CSMD1: variants seen among roughly 807,000 people sequenced by gnomAD.
The protein encoded by CSMD1 is CUB and sushi domain-containing protein 1.
In CSMD1, 213 loss-of-function variants were observed where a neutral mutation model predicts 417.5. The ratio of observed to expected loss-of-function variants is 0.51; its 90% CI spans 0.46 to 0.57. The LOEUF is 0.57. CSMD1 is among the 20% of genes least tolerant of loss of function. CSMD1 has a pLI of 0.00. For missense variants in CSMD1, 6,923 were observed against 4,529.7 expected (o/e 1.53, Z -15.17); for synonymous variants, 2,862 against 1,736.8 (o/e 1.65, Z -16.11).
chr8:3,544,101 T>C (rs906184476), intron 10 of CSMD1, among the ~76,000 whole-genome samples: 4 of 152,014 alleles, frequency 2.6e-5, no homozygotes, highest in African/African-American at 9.7e-5. Context: ...AGCGACTCCA[T>C]CTTGAGTGAG....
At chr8:3,707,047 G>C (rs1387878051) in intron 7 of CSMD1, among the ~76,000 whole-genome samples, 1 of 151,904 alleles carries the variant, frequency 6.6e-6, no homozygotes, top group Non-Finnish European at 1.5e-5. Flanking sequence ...GGTAGTCAGA[G>C]TATGGTAGCT....
At chr8:4,041,641 G>A (rs1192648466) in intron 3 of CSMD1, among the ~76,000 whole-genome samples, 1 of 152,088 alleles carries the variant, frequency 6.6e-6, no homozygotes, top group Non-Finnish European at 1.5e-5. Flanking sequence ...TCCATAAGAA[G>A]AAGAAAACTC....
At chr8:4,984,970 G>A (rs1182571195) in intron 1 of CSMD1, among the ~76,000 whole-genome samples, 2 of 152,110 alleles carry the variant, frequency 1.3e-5, no homozygotes, top group Non-Finnish European at 2.9e-5. Flanking sequence ...CTCCTAGAAA[G>A]CACTCAGAGA....
intron 3 of CSMD1, among the ~76,000 whole-genome samples, chr8:4,143,832 A>T (rs13256607): frequency 0.3 from 45,102 of 150,770 alleles, 8,379 homozygotes; most frequent in Non-Finnish European, 0.39. Flanking sequence ...GTTTTCTGGG[A>T]TTTAAGTACT....
intron 1 of CSMD1, among the ~76,000 whole-genome samples, chr8:4,667,440 G>C (rs542412811): frequency 1.3e-3 from 179 of 141,546 alleles, no homozygotes; most frequent in Admixed American, 2.1e-3. Flanking sequence ...GAACAATTTA[G>C]AAAAAAAAAA....
At chr8:4,885,458 T>G (rs6990689) in intron 1 of CSMD1, among the ~76,000 whole-genome samples, 140,783 of 152,002 alleles carry the variant, frequency 0.93, 65,627 homozygotes, top group East Asian at 0.97. Flanking sequence ...AGTATAATCT[T>G]ACATGTGCAA....
At chr8:4,193,111 G>C (rs73658455) in intron 3 of CSMD1, among the ~76,000 whole-genome samples, 4,254 of 152,164 alleles carry the variant, frequency 0.028, 212 homozygotes, top group African/African-American at 0.097. Flanking sequence ...AATTTACTTT[G>C]AATTCTCTGA....
At chr8:3,882,196 G>C (rs960314763) in intron 5 of CSMD1, among the ~76,000 whole-genome samples, 1 of 151,266 alleles carries the variant, frequency 6.6e-6, no homozygotes, top group Non-Finnish European at 1.5e-5. Flanking sequence ...AAATCAACAA[G>C]AAAGAGAGAG....
chr8:3,384,351 C>T (rs1304491715), intron 18 of CSMD1, among the ~76,000 whole-genome samples: 2 of 151,882 alleles, frequency 1.3e-5, no homozygotes, highest in Non-Finnish European at 1.5e-5. Context: ...TTGAGCAACA[C>T]TATGTCTTAA....
intron 5 of CSMD1, among the ~76,000 whole-genome samples, chr8:3,819,420 C>A (rs1019879085): frequency 1.3e-5 from 2 of 152,072 alleles, no homozygotes; most frequent in Admixed American, 6.5e-5. Flanking sequence ...ATTTTATCAA[C>A]AAGGTAAAGA....
chr8:4,760,684 A>G (rs1811982053), intron 1 of CSMD1, among the ~76,000 whole-genome samples: 3 of 152,150 alleles, frequency 2.0e-5, no homozygotes, highest in African/African-American at 4.8e-5. Context: ...TCCTTTGTTC[A>G]TATTCTTCAA....
At chr8:4,821,460 G>A (rs1277041819) in intron 1 of CSMD1, among the ~76,000 whole-genome samples, 1 of 152,154 alleles carries the variant, frequency 6.6e-6, no homozygotes, top group Admixed American at 6.6e-5. Flanking sequence ...TACGCAGTAA[G>A]ACAGTACAGG....
At chr8:4,148,250 C>A (rs1363956775) in intron 3 of CSMD1, among the ~76,000 whole-genome samples, 1 of 151,592 alleles carries the variant, frequency 6.6e-6, no homozygotes, top group Admixed American at 6.6e-5. Flanking sequence ...ATGAAAAACT[C>A]AGCAAACTAT....
intron 62 of CSMD1, among the ~76,000 whole-genome samples, chr8:2,959,516 A>G (rs1168948571): frequency 7.2e-5 from 11 of 152,310 alleles, no homozygotes; most frequent in African/African-American, 2.4e-4. Flanking sequence ...GATAACCTGT[A>G]TCATTTACTG....
intron 3 of CSMD1, among the ~76,000 whole-genome samples, chr8:4,066,772 G>C (rs901508482): frequency 6.6e-6 from 1 of 152,120 alleles, no homozygotes; most frequent in South Asian, 2.1e-4. Context: ...ATACGGAAAG[G>C]GGCGAGAAAC....
At chr8:3,628,590 C>A (rs973002439) in intron 7 of CSMD1, among the ~76,000 whole-genome samples, 1 of 152,142 alleles carries the variant, frequency 6.6e-6, no homozygotes, top group African/African-American at 2.4e-5. Flanking sequence ...GGCATCATGG[C>A]AAGTGCAGGG....
At chr8:3,281,180 C>T (rs866243780) in intron 26 of CSMD1, among the ~76,000 whole-genome samples, 3 of 152,276 alleles carry the variant, frequency 2.0e-5, no homozygotes, top group African/African-American at 4.8e-5. Context: ...AGGTGGCTCA[C>T]GCCTGTAATC....
intron 41 of CSMD1, among the ~76,000 whole-genome samples, chr8:3,125,362 C>A (rs1817446575): frequency 6.6e-6 from 1 of 152,210 alleles, no homozygotes; most frequent in African/African-American, 2.4e-5. Context: ...CTGTCAGAAC[C>A]CTCATCACGC....
intron 1 of CSMD1, among the ~76,000 whole-genome samples, chr8:4,941,325 G>C (rs949638725): frequency 6.6e-6 from 1 of 151,468 alleles, no homozygotes; most frequent in African/African-American, 2.4e-5. Flanking sequence ...TAAAGCACAC[G>C]CTTCATAATA....
Sources: allele counts gnomAD v4.1 joint callset (sites outside exome capture counted in the v4.1 genomes callset), GRCh38; gene constraint gnomAD v4.1.1; transcripts MANE v1.5; gene names NCBI Gene and HGNC (gene_info 2026-07-23, HGNC 2026-07-21).